Variants in NETO1 observed in about 807,000 individuals in gnomAD.
NETO1 encodes neuropilin and tolloid-like protein 1.
A neutral mutation model predicts 61.3 loss-of-function variants in NETO1; 26 were observed. That is an observed-to-expected ratio of 0.42 (90% CI 0.31 to 0.59). The LOEUF is 0.59. Ranked by LOEUF, NETO1 falls within the 20% of genes least tolerant of loss-of-function variation. The probability of loss-of-function intolerance (pLI) is 0.12; values close to 1 mark genes in which losing one functional copy is unlikely to be tolerated. For synonymous variants in NETO1, 225 were observed against 225.8 expected (o/e 1.00, Z 0.03); for missense variants, 531 against 662.8 (o/e 0.80, Z 2.18).
At chr18:72,823,514 C>A (rs2073275590) in intron 4 of NETO1, among the ~76,000 whole-genome samples, 1 of 151,952 alleles carries the variant, frequency 6.6e-6, no homozygotes, top group African/African-American at 2.4e-5. Context: ...TTCAAGACCT[C>A]AAGGCTCGTT....
chr18:72,764,139 C>G (rs12965178), intron 7 of NETO1, among the ~76,000 whole-genome samples: 45,836 of 151,970 alleles, frequency 0.3, 8,065 homozygotes, highest in South Asian at 0.41. Flanking sequence ...ATTTGGGTGG[C>G]GACACAGAGC....
At chr18:72,829,448 T>G (rs1045597181) in intron 4 of NETO1, among the ~76,000 whole-genome samples, 1 of 152,228 alleles carries the variant, frequency 6.6e-6, no homozygotes, top group Admixed American at 6.5e-5. Flanking sequence ...ATTATGATAT[T>G]ATGTATCATT....
chr18:72,859,713 G>A (rs1362147771), intron 3 of NETO1, among the ~76,000 whole-genome samples: 1 of 152,066 alleles, frequency 6.6e-6, no homozygotes. Flanking sequence ...GACCACTTCA[G>A]ACATGTCTTG....
chr18:72,758,551 T>C (rs1249163779), intron 7 of NETO1, among the ~76,000 whole-genome samples: 1 of 152,110 alleles, frequency 6.6e-6, no homozygotes, highest in Non-Finnish European at 1.5e-5. Context: ...AGAAGCAATG[T>C]AGAGGCTGGG....
chr18:72,775,894 T>C (rs1002702180), intron 7 of NETO1, among the ~76,000 whole-genome samples: 1 of 152,046 alleles, frequency 6.6e-6, no homozygotes, highest in African/African-American at 2.4e-5. Flanking sequence ...AAAATTGAAA[T>C]AGACGCTCTC....
chr18:72,867,182 C>T lies in NETO1; in HGVS notation c.28+82G>A, dbSNP rs1464729238. ...GGTCCGCCGGAGCGCGGCGCAGAGG[C>T]TTTTCCTGCGCGTTCGGCCCCGGGA... On this transcript the variant is annotated intron_variant, in intron 1 of 10. Transcript: ENST00000327305. 4 of 1,121,482 alleles carry T rather than the reference C, an allele frequency of 3.6e-6. No homozygotes were observed. The East Asian group carries it at 8.9e-5, about 25-fold the overall frequency. 69.5% of individuals were successfully genotyped at this position (1,121,482 alleles called of 1,614,324 possible).
intron 4 of NETO1, among the ~76,000 whole-genome samples, chr18:72,847,410 G>A (rs535870761): frequency 6.6e-6 from 1 of 152,326 alleles, no homozygotes; most frequent in East Asian, 1.9e-4. Flanking sequence ...CGAGCCAGCT[G>A]AGCAAGTGAG....
intron 7 of NETO1, among the ~76,000 whole-genome samples, chr18:72,771,048 T>C (rs11664647): frequency 0.32 from 48,992 of 151,908 alleles, 8,492 homozygotes; most frequent in South Asian, 0.47. Context: ...CAGAGGGTTA[T>C]TGAGTTATAA....
chr18:72,852,837 T>C (rs1280227949), intron 4 of NETO1, among the ~76,000 whole-genome samples: 1 of 148,870 alleles, frequency 6.7e-6, no homozygotes, highest in Non-Finnish European at 1.5e-5. Context: ...CTTTTTCTTT[T>C]TTTTTTTTTT....
intron 7 of NETO1, among the ~76,000 whole-genome samples, chr18:72,764,406 C>A (rs1031323270): frequency 6.6e-6 from 1 of 152,252 alleles, no homozygotes; most frequent in South Asian, 2.1e-4. Context: ...AGCATACTTA[C>A]TTTTATTTAT....
rs2145075637 is a variant in NETO1 at position 72,750,408 on chromosome 18, T to C, written c.1195A>G (p.Arg399Gly). The C allele has an allele frequency of 1.9e-6, 3 of 1,614,144 alleles. No homozygotes were observed. In the East Asian group the frequency reaches 6.7e-5, roughly 36 times the overall value. ...AAGTCAGCTGTAGCTCCTGTCCCTC[T>C]GAGAGTGCATAACTCATAATGAGGA... is the stretch of plus-strand genomic sequence containing the variant. ...EPPHYELCTL[R>G]GTGATADFAD... The change falls in exon 9 of 11, where the codon AGA (arginine) becomes GGA (glycine). Residue 399 changes from arginine to glycine, a missense_variant. Coordinates refer to ENST00000327305, the MANE Select transcript of NETO1 (RefSeq NM_138966.5).
intron 3 of NETO1, among the ~76,000 whole-genome samples, chr18:72,862,761 C>T (rs1457883348): frequency 6.6e-6 from 1 of 151,938 alleles, no homozygotes; most frequent in Non-Finnish European, 1.5e-5. Context: ...GCTGGGACTA[C>T]AGGTGCACGC....
In NETO1 at chr18:72,865,222, G is replaced by A. The variant is rs1178945527; in HGVS notation, c.48C>T (p.Ile16=). The change falls in exon 2 of 11, where the codon ATC becomes ATT. Residue 16 remains isoleucine, a synonymous_variant. Transcript: ENST00000327305. ...SVLHIVASLI[I]LHLSGATKKG... The stretch of plus-strand genomic sequence containing the variant: ...TCTTGGTTGCCCCAGACAAATGGAG[G>A]ATGATTAAACTTGCTACAACTGAAA... 2 of 1,613,096 alleles carry A rather than the reference G, an allele frequency of 1.2e-6. No individual in the cohort carries two copies. Among genetic ancestry groups the A allele is most frequent in the South Asian group, 2.2e-5 (2 of 90,926 alleles).
intron 7 of NETO1, among the ~76,000 whole-genome samples, chr18:72,768,564 C>T (rs1055655112): frequency 6.6e-6 from 1 of 152,156 alleles, no homozygotes; most frequent in African/African-American, 2.4e-5. Flanking sequence ...AAAGGGATTT[C>T]GCAGGTGTGA....
chr18:72,750,913 A>ACACACACACACACACACACAC (rs61569037), intron 8 of NETO1, among the ~76,000 whole-genome samples: 4 of 119,786 alleles, frequency 3.3e-5, no homozygotes, highest in Admixed American at 1.7e-4. Flanking sequence ...ACACACACAC[A>ACACACACACACACACACACAC]ATCCTCTATC....
intron 7 of NETO1, among the ~76,000 whole-genome samples, chr18:72,762,618 A>G (rs1278298832): frequency 6.6e-6 from 1 of 152,222 alleles, no homozygotes; most frequent in Non-Finnish European, 1.5e-5. Flanking sequence ...AGATTTTTAA[A>G]TCAGGAAAAT....
chr18:72,838,007 A>G (rs993858204), intron 4 of NETO1, among the ~76,000 whole-genome samples: 1 of 152,004 alleles, frequency 6.6e-6, no homozygotes, highest in Admixed American at 6.6e-5. Flanking sequence ...CTCCCTCCCC[A>G]TCACCATCCC....
At chr18:72,808,410 A>G (rs1333323224) in intron 4 of NETO1, among the ~76,000 whole-genome samples, 2 of 101,930 alleles carry the variant, frequency 2.0e-5, no homozygotes, top group African/African-American at 6.6e-5. Flanking sequence ...CAGTGGTGGC[A>G]CTGCAGATTT....
intron 1 of NETO1, chr18:72,866,759 T>C: frequency 1.0e-6 from 1 of 990,766 alleles, no homozygotes; most frequent in Non-Finnish European, 1.2e-6. Context: ...TAAAGCGACA[T>C]CAGCGGTCTC....
Sources: gnomAD v4.1 joint callset for allele counts (sites outside exome capture counted in the v4.1 genomes callset) on GRCh38, gnomAD v4.1.1 for gene constraint, MANE v1.5 for transcripts, NCBI Gene and HGNC (gene_info 2026-07-23, HGNC 2026-07-21) for gene names.